RGS17: variants seen among roughly 807,000 people sequenced by gnomAD.
RGS17 encodes the protein regulator of G protein signaling 17, also known as regulator of G-protein signaling 17.
RGS17 carries 12 observed loss-of-function variants against 25.5 expected under a neutral mutation model. That is an observed-to-expected ratio of 0.47 (90% CI 0.30 to 0.76). RGS17 has a LOEUF of 0.76. RGS17 is among the 30% of genes least tolerant of loss of function. RGS17 has a pLI of 0.07. For missense variants in RGS17, 196 were observed against 242.2 expected (o/e 0.81, Z 1.27); for synonymous variants, 71 against 76.9 (o/e 0.92, Z 0.40).
At chr6:153,037,168 T>G (rs1033621225) in intron 2 of RGS17, among the ~76,000 whole-genome samples, 25 of 120,638 alleles carry the variant, frequency 2.1e-4, no homozygotes, top group African/African-American at 8.6e-4. Flanking sequence ...GTACTACCTT[T>G]AAAACACACA....
intron 2 of RGS17, among the ~76,000 whole-genome samples, chr6:153,035,719 G>GA (rs796621054): frequency 7.2e-5 from 11 of 152,252 alleles, no homozygotes; most frequent in African/African-American, 2.6e-4. Context: ...TATTGCCTTG[G>GA]AAAATGAATA....
chr6:153,115,140 T>A (rs1335017901), intron 1 of RGS17, among the ~76,000 whole-genome samples: 1 of 152,212 alleles, frequency 6.6e-6, no homozygotes, highest in Non-Finnish European at 1.5e-5. Flanking sequence ...GAAGTCAAAT[T>A]GTCTCTGTTT....
At chr6:153,049,759 T>G (rs1212240494) in intron 1 of RGS17, among the ~76,000 whole-genome samples, 1 of 151,532 alleles carries the variant, frequency 6.6e-6, no homozygotes, top group African/African-American at 2.4e-5. Flanking sequence ...TCAAAATAAA[T>G]AAATAAATAA....
intron 1 of RGS17, among the ~76,000 whole-genome samples, chr6:153,049,886 G>A (rs1047417422): frequency 8.5e-5 from 13 of 152,132 alleles, no homozygotes; most frequent in African/African-American, 2.4e-4. Context: ...ATAAAAATAA[G>A]TGGGGGTGTT....
intron 1 of RGS17, among the ~76,000 whole-genome samples, chr6:153,044,955 A>G (rs1392726280): frequency 6.6e-6 from 1 of 152,194 alleles, no homozygotes; most frequent in Non-Finnish European, 1.5e-5. Context: ...CTACTGAATG[A>G]TGTTTTTCAT....
intron 1 of RGS17, among the ~76,000 whole-genome samples, chr6:153,049,764 A>AAATAAATAAATG (rs1776437813): frequency 6.6e-6 from 1 of 152,056 alleles, no homozygotes; most frequent in African/African-American, 2.4e-5. Context: ...ATAAATAAAT[A>AAATAAATAAATG]AATAAATAAA....
intron 1 of RGS17, among the ~76,000 whole-genome samples, chr6:153,121,602 C>T (rs1777632175): frequency 6.6e-6 from 1 of 152,178 alleles, no homozygotes; most frequent in Non-Finnish European, 1.5e-5. Context: ...TAAGTCATTG[C>T]AATGTCCTGT....
chr6:153,114,288 GAATACTATAAAC>G (rs1777514278), intron 1 of RGS17, among the ~76,000 whole-genome samples: 1 of 152,102 alleles, frequency 6.6e-6, no homozygotes, highest in Non-Finnish European at 1.5e-5. Flanking sequence ...CTACATCAGA[GAATACTATAAAC>G]ACCTCTACAC....
chr6:153,087,229 T>C (rs1584150698), intron 1 of RGS17, among the ~76,000 whole-genome samples: 1 of 152,118 alleles, frequency 6.6e-6, no homozygotes, highest in East Asian at 1.9e-4. Flanking sequence ...TGAGCCAAGA[T>C]CGTGCCACTG....
intron 3 of RGS17, 45 bp downstream of exon 3, chr6:153,026,409 G>T: frequency 2.2e-6 from 3 of 1,376,150 alleles, no homozygotes; most frequent in Middle Eastern, 1.8e-4. Context: ...GATGTAAATG[G>T]CATATAAATG....
intron 1 of RGS17, among the ~76,000 whole-genome samples, chr6:153,119,231 T>C (rs1299236727): frequency 1.3e-5 from 2 of 152,200 alleles, no homozygotes; most frequent in Non-Finnish European, 2.9e-5. Flanking sequence ...TGGTACCATC[T>C]GGACCTCAGA....
At position 153,011,292 on chromosome 6, in the gene RGS17, C is replaced by G. The variant is rs1198409374; in HGVS notation, c.*282G>C. On this transcript the variant is annotated 3_prime_UTR_variant, in exon 5 of 5. Coordinates refer to ENST00000206262, the MANE Select transcript of RGS17 (RefSeq NM_012419.5). ...TGCACATGCAGTCTCTGGAGATACACGAGGAGACTGTTCATAGGACTACAA... is the reference window on the plus strand; with the variant it reads ...TGCACATGCAGTCTCTGGAGATACAGGAGGAGACTGTTCATAGGACTACAA... 1.6e-5 allele frequency: 5 copies of G among 317,250 alleles called. No individual in the cohort carries two copies. The highest frequency in any genetic ancestry group is 2.9e-5 in the Non-Finnish European group (5 of 173,882). 19.7% of individuals were successfully genotyped at this position (317,250 alleles called of 1,614,324 possible).
chr6:153,070,263 T>G (rs1776768648), intron 1 of RGS17, among the ~76,000 whole-genome samples: 1 of 152,104 alleles, frequency 6.6e-6, no homozygotes, highest in African/African-American at 2.4e-5. Context: ...TGATTCTCTA[T>G]TCTCACATAT....
intron 3 of RGS17, among the ~76,000 whole-genome samples, chr6:153,025,166 T>A (rs545338450): frequency 6.6e-6 from 1 of 152,022 alleles, no homozygotes; most frequent in African/African-American, 2.4e-5. Context: ...ATTAAAAAAT[T>A]AGCTGGGTGT....
chr6:153,016,411 T>C (rs1033886653), intron 4 of RGS17, among the ~76,000 whole-genome samples: 1 of 152,160 alleles, frequency 6.6e-6, no homozygotes, highest in African/African-American at 2.4e-5. Context: ...ACTTTTTGTT[T>C]CAATAGAGCA....
intron 2 of RGS17, among the ~76,000 whole-genome samples, chr6:153,036,875 C>T (rs1390891354): frequency 6.6e-6 from 1 of 152,114 alleles, no homozygotes; most frequent in East Asian, 1.9e-4. Context: ...CTCTTAACAT[C>T]CCCCTTACTT....
At chr6:153,039,615 A>T (rs1776298027) in intron 2 of RGS17, among the ~76,000 whole-genome samples, 1 of 152,220 alleles carries the variant, frequency 6.6e-6, no homozygotes, top group East Asian at 1.9e-4. Flanking sequence ...GTACCTGAAG[A>T]TTTTATGTGA....
chr6:153,054,012 ATATATG>A (rs781629771), intron 1 of RGS17, among the ~76,000 whole-genome samples: 13,787 of 58,304 alleles, frequency 0.24, 3,210 homozygotes, highest in Non-Finnish European at 0.32. Context: ...ATATATACGT[ATATATG>A]TATATAATAT....
At chr6:153,017,859 A>ATCTGCCAC (rs1357996294) in intron 4 of RGS17, among the ~76,000 whole-genome samples, 15 of 152,302 alleles carry the variant, frequency 9.8e-5, no homozygotes, top group African/African-American at 3.4e-4. Context: ...AATTTTACCA[A>ATCTGCCAC]TGGTAACATC....
Sources: gnomAD v4.1 joint callset for allele counts (sites outside exome capture counted in the v4.1 genomes callset) on GRCh38, gnomAD v4.1.1 for gene constraint, MANE v1.5 for transcripts, NCBI Gene and HGNC (gene_info 2026-07-23, HGNC 2026-07-21) for gene names.